The following NARF variants were observed in gnomAD, a reference collection of about 807,000 sequenced individuals.
NARF encodes the protein iron-only hydrogenase-like protein 2.
A neutral mutation model predicts 48.0 loss-of-function variants in NARF; 41 were observed. The ratio of observed to expected loss-of-function variants is 0.85; its 90% CI spans 0.66 to 1.11. The LOEUF is 1.11. Ranked by LOEUF, NARF falls within the 50% of genes least tolerant of loss-of-function variation. NARF has a pLI of 0.00. For missense variants in NARF, 613 were observed against 590.2 expected (o/e 1.04, Z -0.40); for synonymous variants, 215 against 225.5 (o/e 0.95, Z 0.42).
At chr17:82,469,668 C>T (rs376336773) in intron 4 of NARF, among the ~76,000 whole-genome samples, 80 of 152,154 alleles carry the variant, frequency 5.3e-4, no homozygotes, top group African/African-American at 1.9e-3. Context: ...TGCAATGATG[C>T]GATCTTGGCT....
At chr17:82,469,851 G>A (rs1448004990) in intron 4 of NARF, among the ~76,000 whole-genome samples, 3 of 152,026 alleles carry the variant, frequency 2.0e-5, no homozygotes, top group Non-Finnish European at 4.4e-5. Context: ...TGATCCACCC[G>A]CCTTGGCCTC....
intron 3 of NARF, 21 bp from the exon 4 acceptor site, chr17:82,468,743 A>T (rs748400363): frequency 6.2e-7 from 1 of 1,612,400 alleles, no homozygotes; most frequent in East Asian, 2.2e-5. Flanking sequence ...GATACCTAAC[A>T]TTCTCTATTT....
At chr17:82,481,536 C>G (rs1245538254) in intron 7 of NARF, among the ~76,000 whole-genome samples, 1 of 152,104 alleles carries the variant, frequency 6.6e-6, no homozygotes, top group Non-Finnish European at 1.5e-5. Flanking sequence ...CGAGACCAGC[C>G]TGACCAACAT....
chr17:82,485,289 T>C (rs1209590621), intron 9 of NARF, among the ~76,000 whole-genome samples: 1 of 151,994 alleles, frequency 6.6e-6, no homozygotes, highest in Admixed American at 6.6e-5. Context: ...AGTGTGGTGG[T>C]GAGCGCCTAT....
intron 7 of NARF, 150 bp from the exon 8 acceptor site, chr17:82,483,565 CT>C: frequency 1.5e-6 from 1 of 654,324 alleles, no homozygotes; most frequent in Non-Finnish European, 2.7e-6. Flanking sequence ...ATTGGCCTCA[CT>C]TTGCCCTTTA....
intron 2 of NARF, chr17:82,462,959 G>A (rs1183659564): frequency 6.6e-6 from 1 of 152,186 alleles, no homozygotes; most frequent in East Asian, 1.9e-4. Flanking sequence ...CTGTGGCTTT[G>A]ACCCACTGGG....
chr17:82,478,708 C>T (rs759876637), intron 5 of NARF, 92 bp from the exon 6 acceptor site: 34 of 1,271,248 alleles, frequency 2.7e-5, no homozygotes, highest in East Asian at 7.0e-5. Flanking sequence ...CACCCTGGGG[C>T]GGCAGGGACT....
At chr17:82,463,331 C>G (rs1308508909) in intron 2 of NARF, 2 of 152,148 alleles carry the variant, frequency 1.3e-5, no homozygotes, top group African/African-American at 4.8e-5. Context: ...AACAAGAGAA[C>G]AAGACAGTGT....
In NARF at chr17:82,489,196, C is replaced by T. The variant is rs548227744; in HGVS notation, c.*1039C>T. On this transcript the variant is annotated 3_prime_UTR_variant, in exon 11 of 11. Transcript: ENST00000309794. ...CCACCCTCCTGGACCATACTCGGCC[C>T]TGGGCCATTCCTCACAGCCAGTCAC... 1.3e-5 allele frequency: 2 copies of T among 159,980 alleles called. No individual in the cohort carries two copies. The highest frequency in any genetic ancestry group is 5.2e-5 in the African/African-American group (2 of 38,626). The allele number at this position is 159,980 out of a possible 1,614,324, so 9.9% of individuals were successfully genotyped here.
intron 7 of NARF, 97 bp from the exon 8 acceptor site, chr17:82,483,619 G>A (rs1335280823): frequency 1.8e-6 from 2 of 1,086,864 alleles, no homozygotes; most frequent in Admixed American, 3.5e-5. Flanking sequence ...ATAAGAGGGA[G>A]GTCACCCAGG....
chr17:82,482,210 T>C (rs2043980964), intron 7 of NARF: 3 of 416,128 alleles, frequency 7.2e-6, no homozygotes, highest in South Asian at 5.0e-5. Context: ...TCAGGGACAA[T>C]CTTTAAGGGC....
intron 9 of NARF, 74 bp downstream of exon 9, chr17:82,485,024 G>A: frequency 1.4e-6 from 2 of 1,469,482 alleles, no homozygotes; most frequent in Non-Finnish European, 1.8e-6. Context: ...ATGGATCTGT[G>A]CATGTGGCGG....
At chr17:82,473,950 G>A (rs2043775086) in intron 5 of NARF, among the ~76,000 whole-genome samples, 1 of 152,104 alleles carries the variant, frequency 6.6e-6, no homozygotes, top group Admixed American at 6.6e-5. Flanking sequence ...TTAGAAGGCT[G>A]ATGTGGGAGG....
upstream of NARF, chr17:82,458,246 C>CCCCGG (rs2043333324): frequency 6.6e-6 from 1 of 152,628 alleles, no homozygotes. Context: ...AGGGCTGTGC[C>CCCCGG]CCCGGCCCGC....
chr17:82,478,797 C>T lies in NARF; in HGVS notation c.521-3C>T, dbSNP rs2043893338. ...GCTGACCGTGGATCCCTTCTCTCCC[C>T]AGGCTGGGTCCGATACGCCGAGCGG... On this transcript the variant is annotated splice_region_variant and splice_polypyrimidine_tract_variant and intron_variant, in intron 5 of 10. Transcript: ENST00000309794. 2 of 1,612,852 alleles carry T rather than the reference C, an allele frequency of 1.2e-6. No individual in the cohort carries two copies. Among genetic ancestry groups the T allele is most frequent in the Non-Finnish European group, 8.5e-7 (1 of 1,179,368 alleles).
intron 8 of NARF, chr17:82,484,367 A>G (rs944677312): frequency 6.3e-6 from 1 of 158,872 alleles, no homozygotes; most frequent in Non-Finnish European, 1.4e-5. Flanking sequence ...AGAAGTTTAC[A>G]GAATTTAAGC....
chr17:82,468,838 A>G lies in NARF; in HGVS notation c.327A>G (p.Lys109=), dbSNP rs147778219. The G allele has an allele frequency of 6.2e-7, 1 of 1,614,058 alleles. No individual in the cohort carries two copies. Among genetic ancestry groups the G allele is most frequent in the African/African-American group, 1.3e-5 (1 of 74,926 alleles). Residue 109 remains lysine (K), a synonymous_variant, in exon 4 of 11, where the codon AAA becomes AAG. Coordinates refer to ENST00000309794, the MANE Select transcript of NARF (RefSeq NM_012336.4). ...AATCTTTGCCTTATTTTGCTGCTAA[A>G]TTCAACCTCAGTGTAACTGATGCAT... The part of the protein sequence containing the change: ...CPQSLPYFAA[K]FNLSVTDASR...
chr17:82,465,107 A>G (rs1380786675), intron 3 of NARF, among the ~76,000 whole-genome samples: 1 of 152,168 alleles, frequency 6.6e-6, no homozygotes, highest in African/African-American at 2.4e-5. Context: ...GGAAGCAAGC[A>G]TGTCTTCACG....
chr17:82,459,973 G>C lies in NARF; in HGVS notation c.28-19G>C. Reference sequence around the variant, plus strand: ...GACGAAGTAAAAGTTCATTGATAATGTTCCTTTGCTTTTTTAAGGAATGTA... The same window carrying C: ...GACGAAGTAAAAGTTCATTGATAATCTTCCTTTGCTTTTTTAAGGAATGTA... On this transcript the variant is annotated intron_variant, in intron 1 of 10. Transcript: ENST00000309794. 6.3e-7 allele frequency: 1 copy of C among 1,599,244 alleles called. No homozygotes were observed. The highest frequency in any genetic ancestry group is 8.6e-7 in the Non-Finnish European group (1 of 1,167,202).
Sources: gnomAD v4.1 joint callset for allele counts (sites outside exome capture counted in the v4.1 genomes callset) on GRCh38, gnomAD v4.1.1 for gene constraint, MANE v1.5 for transcripts, NCBI Gene and HGNC (gene_info 2026-07-23, HGNC 2026-07-21) for gene names.